Variants in SLC24A2 observed in about 807,000 individuals in gnomAD.
The protein encoded by SLC24A2 is sodium/potassium/calcium exchanger 2.
A neutral mutation model predicts 62.0 loss-of-function variants in SLC24A2; 36 were observed. That is an observed-to-expected ratio of 0.58 (90% CI 0.44 to 0.77). The LOEUF (loss-of-function observed/expected upper bound fraction) is 0.77. Ranked by LOEUF, SLC24A2 falls within the 30% of genes least tolerant of loss-of-function variation. SLC24A2 has a pLI of 0.00. For missense variants in SLC24A2, 846 were observed against 817.9 expected (o/e 1.03, Z -0.42); for synonymous variants, 358 against 294.0 (o/e 1.22, Z -2.23).
chr9:20,176,209 T>C, the SLC24A2 span, among the ~76,000 whole-genome samples: 1 of 152,170 alleles, frequency 6.6e-6, no homozygotes, highest in African/African-American at 2.4e-5. Flanking sequence ...TCTTGAGGCT[T>C]AAAAATGAAA....
the SLC24A2 span, among the ~76,000 whole-genome samples, chr9:20,060,943 G>T: frequency 6.6e-6 from 1 of 151,980 alleles, no homozygotes; most frequent in African/African-American, 2.4e-5. Context: ...TTACAAAAAT[G>T]AAACAGAGTA....
chr9:19,787,541 G>C (rs983182005), intron 1 of SLC24A2, among the ~76,000 whole-genome samples: 1 of 152,096 alleles, frequency 6.6e-6, no homozygotes, highest in Non-Finnish European at 1.5e-5. Context: ...GAAAGTGAGT[G>C]ATTCTTTAAT....
chr9:19,663,512 T>G (rs537905627), intron 2 of SLC24A2, among the ~76,000 whole-genome samples: 54 of 152,274 alleles, frequency 3.5e-4, no homozygotes, highest in African/African-American at 1.2e-3. Context: ...AGATGCCTCC[T>G]GACTTGTCAA....
chr9:20,158,341 G>A, the SLC24A2 span, among the ~76,000 whole-genome samples: 14 of 151,786 alleles, frequency 9.2e-5, no homozygotes, highest in South Asian at 2.1e-4. Flanking sequence ...AAGTTTATGG[G>A]ATTAAGAAGC....
chr9:20,286,215 A>G, the SLC24A2 span, among the ~76,000 whole-genome samples: 1 of 152,222 alleles, frequency 6.6e-6, no homozygotes, highest in Non-Finnish European at 1.5e-5. Flanking sequence ...GTTTGGTTGC[A>G]CATAATAGAA....
chr9:19,950,289 G>A, the SLC24A2 span, among the ~76,000 whole-genome samples: 1 of 152,182 alleles, frequency 6.6e-6, no homozygotes, highest in Non-Finnish European at 1.5e-5. Flanking sequence ...TAAAGCTATA[G>A]AAGAGTTTGC....
intron 2 of SLC24A2, among the ~76,000 whole-genome samples, chr9:19,778,709 C>T (rs989051745): frequency 6.6e-6 from 1 of 152,166 alleles, no homozygotes; most frequent in Admixed American, 6.5e-5. Flanking sequence ...GAGCAATCCT[C>T]TCTGGAGGAA....
chr9:19,759,158 A>C (rs1249842242), intron 2 of SLC24A2, among the ~76,000 whole-genome samples: 2 of 152,218 alleles, frequency 1.3e-5, no homozygotes, highest in South Asian at 4.1e-4. Flanking sequence ...TCTGGAATAC[A>C]AAGCACGATG....
the SLC24A2 span, among the ~76,000 whole-genome samples, chr9:20,203,334 C>A: frequency 6.6e-6 from 1 of 152,120 alleles, no homozygotes; most frequent in Non-Finnish European, 1.5e-5. Context: ...TAATGCAGTT[C>A]TTCTTATGGC....
the SLC24A2 span, among the ~76,000 whole-genome samples, chr9:19,971,869 A>C: frequency 1.3e-5 from 2 of 152,236 alleles, no homozygotes; most frequent in African/African-American, 4.8e-5. Flanking sequence ...TTTAATCTTC[A>C]TAACAACCCT....
chr9:20,264,671 T>C, the SLC24A2 span, among the ~76,000 whole-genome samples: 2 of 152,236 alleles, frequency 1.3e-5, no homozygotes, highest in Non-Finnish European at 2.9e-5. Context: ...ATAGTGTCCT[T>C]GTGATATTTG....
chr9:20,155,355 A>G, the SLC24A2 span, among the ~76,000 whole-genome samples: 3 of 151,610 alleles, frequency 2.0e-5, no homozygotes, highest in African/African-American at 7.3e-5. Context: ...GAAAGCAAGG[A>G]CTCCTAATAT....
intron 2 of SLC24A2, among the ~76,000 whole-genome samples, chr9:19,710,790 G>C (rs932472326): frequency 4.6e-5 from 7 of 152,154 alleles, no homozygotes; most frequent in Admixed American, 2.0e-4. Context: ...GGTCGAGAAA[G>C]ACTAGAGACA....
At chr9:19,833,206 C>G in the SLC24A2 span, among the ~76,000 whole-genome samples, 2 of 152,280 alleles carry the variant, frequency 1.3e-5, no homozygotes, top group East Asian at 1.9e-4. Context: ...GTTCATCTCA[C>G]TGGGGAGTGC....
intron 5 of SLC24A2, among the ~76,000 whole-genome samples, chr9:19,579,980 T>C (rs1290368597): frequency 3.9e-5 from 6 of 152,192 alleles, no homozygotes; most frequent in Admixed American, 1.3e-4. Context: ...AACCCTAGAA[T>C]TGGAATTTTA....
chr9:19,738,026 C>T (rs1016015795), intron 2 of SLC24A2, among the ~76,000 whole-genome samples: 17 of 152,022 alleles, frequency 1.1e-4, no homozygotes, highest in African/African-American at 3.9e-4. Flanking sequence ...TGCTAATTTA[C>T]GAATAACTTG....
chr9:19,674,977 G>C (rs927965296), intron 2 of SLC24A2, among the ~76,000 whole-genome samples: 4 of 152,104 alleles, frequency 2.6e-5, no homozygotes, highest in Non-Finnish European at 4.4e-5. Context: ...CCTTCTATTT[G>C]AGTACACTAT....
intron 1 of SLC24A2, among the ~76,000 whole-genome samples, chr9:19,788,216 C>A (rs1050107981): frequency 6.6e-6 from 1 of 152,222 alleles, no homozygotes; most frequent in Non-Finnish European, 1.5e-5. Context: ...CCTGAGATAA[C>A]CCGACCCCAT....
the SLC24A2 span, among the ~76,000 whole-genome samples, chr9:20,109,770 A>C: frequency 6.6e-6 from 1 of 152,164 alleles, no homozygotes; most frequent in Non-Finnish European, 1.5e-5. Context: ...CTGAGTCCTG[A>C]GAGTCCTCCT....
Sources: gnomAD v4.1 joint callset for allele counts (sites outside exome capture counted in the v4.1 genomes callset) on GRCh38, gnomAD v4.1.1 for gene constraint, MANE v1.5 for transcripts, NCBI Gene and HGNC (gene_info 2026-07-23, HGNC 2026-07-21) for gene names.